Variants in NRXN1 observed in about 807,000 individuals in gnomAD.
The protein encoded by NRXN1 is neurexin 1.
A neutral mutation model predicts 150.9 loss-of-function variants in NRXN1; 39 were observed. The observed-to-expected ratio is 0.26, with a 90% CI of 0.20 to 0.34. The LOEUF is 0.34. NRXN1 is among the 10% of genes least tolerant of loss of function. The pLI, the probability that NRXN1 is intolerant of heterozygous loss-of-function variation, is 1.00. For missense variants in NRXN1, 1,815 were observed against 1,949.9 expected (o/e 0.93, Z 1.30); for synonymous variants, 924 against 757.0 (o/e 1.22, Z -3.62).
intron 13 of NRXN1, among the ~76,000 whole-genome samples, chr2:50,498,852 C>A (rs1331044482): frequency 1.3e-5 from 2 of 152,186 alleles, no homozygotes; most frequent in Non-Finnish European, 2.9e-5. Context: ...TAATCAAGTT[C>A]TTCCACGTGC....
At chr2:50,151,072 C>T (rs551162993) in intron 18 of NRXN1, among the ~76,000 whole-genome samples, 10 of 151,808 alleles carry the variant, frequency 6.6e-5, no homozygotes, top group Admixed American at 1.3e-4. Flanking sequence ...TTTTTCACCT[C>T]AAGGAAAAGC....
intron 2 of NRXN1, among the ~76,000 whole-genome samples, chr2:50,938,203 T>C (rs1156302408): frequency 3.3e-5 from 5 of 152,148 alleles, no homozygotes; most frequent in Non-Finnish European, 5.9e-5. Flanking sequence ...CTATACACTA[T>C]TGTAAACTTT....
chr2:50,799,242 G>C (rs1302459088), intron 5 of NRXN1, among the ~76,000 whole-genome samples: 1 of 152,164 alleles, frequency 6.6e-6, no homozygotes, highest in Non-Finnish European at 1.5e-5. Context: ...GTTCCATGAA[G>C]ACATATTAAG....
intron 17 of NRXN1, among the ~76,000 whole-genome samples, chr2:50,252,258 C>CTTTTTTTTTTTTTTTTTTTTTTTTCT (rs143522284): frequency 1.4e-5 from 1 of 69,708 alleles, no homozygotes; most frequent in Non-Finnish European, 2.5e-5. Context: ...TTTTTCTTTT[C>CTTTTTTTTTTTTTTTTTTTTTTTTCT]TTTTTTTTTT....
At position 50,528,556 on chromosome 2, in the gene NRXN1, C is replaced by A. The variant is rs2093018081; in HGVS notation, c.2374+69G>T. On this transcript the variant is annotated intron_variant, in intron 12 of 22. Coordinates refer to ENST00000401669, the MANE Select transcript of NRXN1 (RefSeq NM_001330078.2). ...AACACATTTCTCTTGCTCTCTCTCT[C>A]TCTTTTTCTTGACTAGCTTACATCA... The A allele has an allele frequency of 6.8e-6, 6 of 884,794 alleles. No individual in the cohort carries two copies. In the South Asian group the frequency reaches 9.3e-5, roughly 14 times the overall value. The allele number at this position is 884,794 out of a possible 1,614,324, so 54.8% of individuals were successfully genotyped here. A position where few individuals can be genotyped will look rare whatever the true frequency, so the allele number is the denominator to read the frequency against.
chr2:50,518,075 G>A (rs147755595), intron 12 of NRXN1, among the ~76,000 whole-genome samples: 1 of 151,828 alleles, frequency 6.6e-6, no homozygotes, highest in Non-Finnish European at 1.5e-5. Context: ...GACAGACAAG[G>A]ATAAATATCT....
At chr2:50,840,313 C>T (rs1018300427) in intron 5 of NRXN1, among the ~76,000 whole-genome samples, 1 of 152,112 alleles carries the variant, frequency 6.6e-6, no homozygotes, top group African/African-American at 2.4e-5. Context: ...AAGATTGATG[C>T]TGGGAGAGTC....
intron 5 of NRXN1, among the ~76,000 whole-genome samples, chr2:50,737,277 C>T (rs1253647328): frequency 6.6e-6 from 1 of 152,082 alleles, no homozygotes; most frequent in Admixed American, 6.6e-5. Context: ...TGTAGAAAGG[C>T]ACATAATGGC....
At chr2:50,627,769 C>T (rs775897371) in intron 5 of NRXN1, among the ~76,000 whole-genome samples, 63 of 151,710 alleles carry the variant, frequency 4.2e-4, no homozygotes, top group Non-Finnish European at 7.5e-4. Flanking sequence ...ATTAAGAAAG[C>T]GAGGCTCATG....
intron 17 of NRXN1, among the ~76,000 whole-genome samples, chr2:50,250,984 A>T (rs1305031574): frequency 6.8e-6 from 1 of 147,086 alleles, no homozygotes; most frequent in Non-Finnish European, 1.5e-5. Flanking sequence ...TGCATATGTA[A>T]TAAATTTATT....
intron 10 of NRXN1, among the ~76,000 whole-genome samples, chr2:50,533,240 C>G (rs988443878): frequency 3.3e-5 from 5 of 152,100 alleles, no homozygotes. Flanking sequence ...ATGCTCACTC[C>G]TCTAATATTT....
At chr2:50,819,708 G>T (rs1447745602) in intron 5 of NRXN1, among the ~76,000 whole-genome samples, 1 of 150,656 alleles carries the variant, frequency 6.6e-6, no homozygotes, top group Non-Finnish European at 1.5e-5. Flanking sequence ...CTCAATCAAA[G>T]GAAAGAAAAA....
At chr2:50,568,051 T>C (rs1045019616) in intron 8 of NRXN1, among the ~76,000 whole-genome samples, 4 of 152,178 alleles carry the variant, frequency 2.6e-5, no homozygotes, top group Non-Finnish European at 5.9e-5. Context: ...GAATGAAATT[T>C]AGACCCAGAC....
chr2:50,373,011 A>C (rs2080140121), intron 17 of NRXN1, among the ~76,000 whole-genome samples: 1 of 152,030 alleles, frequency 6.6e-6, no homozygotes, highest in Non-Finnish European at 1.5e-5. Context: ...CCACAACACC[A>C]TTGTTCCTTA....
chr2:50,331,665 G>A (rs536528865), intron 17 of NRXN1, among the ~76,000 whole-genome samples: 1 of 152,292 alleles, frequency 6.6e-6, no homozygotes, highest in East Asian at 1.9e-4. Context: ...GATCACTAAT[G>A]TGAAGGTATC....
At chr2:50,491,980 G>C (rs766197886) in intron 15 of NRXN1, among the ~76,000 whole-genome samples, 15 of 152,106 alleles carry the variant, frequency 9.9e-5, no homozygotes, top group Non-Finnish European at 2.2e-4. Context: ...AGTAACTTCA[G>C]TTAAATCTAT....
chr2:50,486,970 T>A (rs184831934), intron 15 of NRXN1, among the ~76,000 whole-genome samples: 2 of 152,276 alleles, frequency 1.3e-5, no homozygotes, highest in African/African-American at 4.8e-5. Flanking sequence ...TAACAGTACA[T>A]GAGATACGAC....
intron 18 of NRXN1, among the ~76,000 whole-genome samples, chr2:50,091,970 T>G (rs559085548): frequency 1.3e-5 from 2 of 152,172 alleles, no homozygotes; most frequent in Non-Finnish European, 2.9e-5. Flanking sequence ...ATTTAATGAG[T>G]GCAGTCCCTT....
chr2:50,752,798 C>G (rs1194247380), intron 5 of NRXN1, among the ~76,000 whole-genome samples: 1 of 151,568 alleles, frequency 6.6e-6, no homozygotes, highest in Middle Eastern at 3.2e-3. Context: ...TTCTGCATTT[C>G]TTAGGATGTT....
Sources: allele counts gnomAD v4.1 joint callset (sites outside exome capture counted in the v4.1 genomes callset), GRCh38; gene constraint gnomAD v4.1.1; transcripts MANE v1.5; gene names NCBI Gene and HGNC (gene_info 2026-07-23, HGNC 2026-07-21).